The following ERC2 variants were observed in gnomAD, a reference collection of about 807,000 sequenced individuals.
ERC2 encodes ERC protein 2.
ERC2 carries 42 observed loss-of-function variants against 114.8 expected under a neutral mutation model. The observed-to-expected ratio is 0.37, with a 90% CI of 0.29 to 0.47. The LOEUF is 0.47. Ranked by LOEUF, ERC2 falls within the 20% of genes least tolerant of loss-of-function variation. ERC2 has a pLI of 0.99. For synonymous variants in ERC2, 454 were observed against 425.5 expected (o/e 1.07, Z -0.82); for missense variants, 939 against 1,150.7 (o/e 0.82, Z 2.66).
intron 2 of ERC2, among the ~76,000 whole-genome samples, chr3:56,391,100 G>A (rs2106839520): frequency 6.6e-6 from 1 of 152,334 alleles, no homozygotes; most frequent in East Asian, 1.9e-4. Flanking sequence ...CTTAAGTGAA[G>A]CAATCAGACC....
chr3:56,454,732 T>C (rs1172256476), intron 1 of ERC2, among the ~76,000 whole-genome samples: 2 of 151,928 alleles, frequency 1.3e-5, no homozygotes, highest in East Asian at 3.9e-4. Flanking sequence ...GCACCTGTAG[T>C]CCTAGCTACT....
intron 4 of ERC2, among the ~76,000 whole-genome samples, chr3:56,170,585 GTTTTT>G (rs1178172687): frequency 3.2e-5 from 2 of 61,764 alleles, no homozygotes; most frequent in East Asian, 5.1e-4. Flanking sequence ...AATCTCTTCT[GTTTTT>G]TTTTTTTTTT....
At chr3:55,622,850 T>C (rs2059378981) in intron 17 of ERC2, among the ~76,000 whole-genome samples, 1 of 152,012 alleles carries the variant, frequency 6.6e-6, no homozygotes, top group African/African-American at 2.4e-5. Flanking sequence ...TCCAGTTCCA[T>C]CTGCCATGCA....
chr3:56,010,364 T>A, intron 9 of ERC2, 85 bp downstream of exon 9: 1 of 1,471,168 alleles, frequency 6.8e-7, no homozygotes, highest in East Asian at 2.3e-5. Flanking sequence ...CAGTGCCTCC[T>A]ACTAAGTCTC....
At chr3:55,980,273 C>A (rs1279261775) in intron 12 of ERC2, among the ~76,000 whole-genome samples, 1 of 150,408 alleles carries the variant, frequency 6.6e-6, no homozygotes, top group Non-Finnish European at 1.5e-5. Context: ...TCATCAAAAT[C>A]CTCCACAAAA....
At chr3:55,826,343 T>A (rs550742522) in intron 14 of ERC2, among the ~76,000 whole-genome samples, 189 of 152,318 alleles carry the variant, frequency 1.2e-3, no homozygotes, top group African/African-American at 4.1e-3. Context: ...GAATTAGGGC[T>A]CCAGCTGACC....
At position 55,846,688 on chromosome 3, in the gene ERC2, TC is replaced by T. The variant is rs1377534329; in HGVS notation, c.2564+41700del. ...TATTCATTCTCTCTCTCTCTCTCTC[TC>T]TCTTTCTCTCTCTCTCTCTCTCTCT... is the stretch of plus-strand genomic sequence containing the variant. On this transcript the variant is annotated intron_variant, in intron 14 of 17. Transcript: ENST00000288221. 3.9e-3 allele frequency among the ~76,000 whole-genome samples: 512 copies of T among 130,484 alleles called. 3 individuals carry two copies. Among genetic ancestry groups the T allele is most frequent in the African/African-American group, 0.015 (477 of 32,170 alleles). The allele number at this position is 130,484 out of a possible 152,430, so 85.6% of individuals were successfully genotyped here. A position where few individuals can be genotyped will look rare whatever the true frequency, so the allele number is the denominator to read the frequency against.
intron 14 of ERC2, among the ~76,000 whole-genome samples, chr3:55,784,764 A>G (rs1350094202): frequency 6.6e-6 from 1 of 152,238 alleles, no homozygotes; most frequent in African/African-American, 2.4e-5. Flanking sequence ...ATCTACATGA[A>G]GCCAACTGGG....
chr3:56,213,005 A>G (rs2049175259), intron 3 of ERC2, among the ~76,000 whole-genome samples: 1 of 152,178 alleles, frequency 6.6e-6, no homozygotes, highest in Non-Finnish European at 1.5e-5. Flanking sequence ...AAGAATATAC[A>G]ATAGACTTTG....
intron 14 of ERC2, among the ~76,000 whole-genome samples, chr3:55,767,303 A>G (rs2067868131): frequency 6.6e-6 from 1 of 152,188 alleles, no homozygotes. Context: ...AGTCACTACT[A>G]CTTTTTTCCA....
chr3:55,952,960 G>A (rs1167470591), intron 12 of ERC2, among the ~76,000 whole-genome samples: 5 of 152,110 alleles, frequency 3.3e-5, no homozygotes, highest in East Asian at 1.9e-4. Flanking sequence ...TTGGGAGGCC[G>A]AGGTGGGCAG....
chr3:55,747,715 T>G (rs2066398663), intron 14 of ERC2, among the ~76,000 whole-genome samples: 1 of 152,176 alleles, frequency 6.6e-6, no homozygotes. Flanking sequence ...CACCAATGCA[T>G]CACAGCCTTC....
At chr3:55,949,519 A>C (rs1348168516) in intron 13 of ERC2, among the ~76,000 whole-genome samples, 2 of 152,058 alleles carry the variant, frequency 1.3e-5, no homozygotes, top group African/African-American at 4.8e-5. Flanking sequence ...CCTAATATTG[A>C]CTAACTAGTC....
At chr3:56,085,986 G>A (rs2077480762) in intron 6 of ERC2, among the ~76,000 whole-genome samples, 1 of 152,136 alleles carries the variant, frequency 6.6e-6, no homozygotes, top group Non-Finnish European at 1.5e-5. Flanking sequence ...GGTAGTGAGT[G>A]GTGCTGGAGA....
chr3:55,845,404 T>C (rs1301781579), intron 14 of ERC2, among the ~76,000 whole-genome samples: 1 of 143,670 alleles, frequency 7.0e-6, no homozygotes, highest in Non-Finnish European at 1.5e-5. Flanking sequence ...CTTGGGAGGC[T>C]GAGGCAGGAG....
intron 13 of ERC2, among the ~76,000 whole-genome samples, chr3:55,941,900 G>A (rs1576295240): frequency 6.6e-6 from 1 of 152,260 alleles, no homozygotes; most frequent in East Asian, 1.9e-4. Flanking sequence ...AAAGACATAA[G>A]AGAGGCACAG....
intron 3 of ERC2, among the ~76,000 whole-genome samples, chr3:56,270,428 C>T (rs771908430): frequency 8.5e-5 from 13 of 152,094 alleles, no homozygotes; most frequent in South Asian, 4.2e-4. Context: ...TTTTAAATTC[C>T]GGTAATGGAG....
chr3:56,419,070 A>G (rs1399265010), intron 2 of ERC2, among the ~76,000 whole-genome samples: 1 of 152,250 alleles, frequency 6.6e-6, no homozygotes, highest in Non-Finnish European at 1.5e-5. Context: ...GTCTACATAG[A>G]AAAAGGAAAT....
Position 56,434,512 on chromosome 3 carries a change from T to C in ERC2, c.496A>G (p.Lys166Glu), listed in dbSNP as rs758051376. ...TTGCTGTCCTTGATGTCTAGCTCTT[T>C]CCGGAGGAGGTCATTCTCTCTCTGC... is the stretch of plus-strand genomic sequence containing the variant. ...ELQRENDLLR[K>E]ELDIKDSKLG... The change falls in exon 2 of 18, where the codon AAA (lysine) becomes GAA (glutamate). Residue 166 changes from lysine to glutamate, a missense_variant. This residue lies in a region of ERC2 where 281 missense variants were observed against 307.4 expected (regional missense o/e 0.91). Coordinates refer to ENST00000288221, the MANE Select transcript of ERC2 (RefSeq NM_015576.3). 1 of 1,614,032 alleles carries C rather than the reference T, an allele frequency of 6.2e-7. No homozygotes were observed.
Sources: allele counts gnomAD v4.1 joint callset (sites outside exome capture counted in the v4.1 genomes callset), GRCh38; gene constraint gnomAD v4.1.1; regional missense constraint gnomAD v4.1.1; transcripts MANE v1.5; gene names NCBI Gene and HGNC (gene_info 2026-07-23, HGNC 2026-07-21).